The following NBR1 variants were observed in gnomAD, a reference collection of about 807,000 sequenced individuals.
NBR1 encodes the protein next to BRCA1 gene 1 protein.
NBR1 carries 59 observed loss-of-function variants against 115.5 expected under a neutral mutation model. The ratio of observed to expected loss-of-function variants is 0.51; its 90% CI spans 0.41 to 0.63. The LOEUF is 0.63. Ranked by LOEUF, NBR1 falls within the 30% of genes least tolerant of loss-of-function variation. The pLI, the probability that NBR1 is intolerant of heterozygous loss-of-function variation, is 0.00. For synonymous variants in NBR1, 373 were observed against 414.7 expected (o/e 0.90, Z 1.22); for missense variants, 1,043 against 1,150.5 (o/e 0.91, Z 1.35).
At chr17:43,179,345 C>G (rs374312471) in intron 3 of NBR1, 49 bp from the exon 4 acceptor site, 42 of 1,580,802 alleles carry the variant, frequency 2.7e-5, no homozygotes, top group Non-Finnish European at 3.6e-5. Context: ...CAGAAATGCT[C>G]AACTGATGAG....
chr17:43,181,676 A>AG lies in NBR1; in HGVS notation c.207+859_207+860insG, dbSNP rs1162908003. ...GAGACTCTGTCTCAAAACAAAAAAAACAAACAAACCAAAAAACAAATATCT... is the reference window on the plus strand; with the variant it reads ...GAGACTCTGTCTCAAAACAAAAAAAAGCAAACAAACCAAAAAACAAATATCT... On this transcript the variant is annotated intron_variant, in intron 5 of 20. Transcript: ENST00000590996. 4.2e-5 allele frequency among the ~76,000 whole-genome samples: 6 copies of AG among 141,554 alleles called. No homozygotes were observed. In the East Asian group the frequency reaches 8.0e-4, roughly 19 times the overall value. 92.9% of individuals were successfully genotyped at this position (141,554 alleles called of 152,430 possible).
intron 8 of NBR1, chr17:43,190,153 A>G (rs2056909545): frequency 9.7e-6 from 3 of 308,670 alleles, no homozygotes; most frequent in Admixed American, 9.7e-5. Context: ...GCAGGGTGCA[A>G]TCATGGTTCA....
chr17:43,177,514 C>T (rs1034561297), intron 2 of NBR1, among the ~76,000 whole-genome samples: 9 of 150,776 alleles, frequency 6.0e-5, no homozygotes, highest in African/African-American at 2.2e-4. Context: ...GTTTTGACAA[C>T]ACTGGATGTT....
intron 16 of NBR1, among the ~76,000 whole-genome samples, chr17:43,199,523 C>T (rs1428747010): frequency 3.9e-5 from 6 of 151,948 alleles, no homozygotes; most frequent in Admixed American, 2.0e-4. Context: ...TACAGGCGCC[C>T]GCCACCATGC....
At chr17:43,187,886 CTTTTTT>C (rs66857389) in intron 6 of NBR1, among the ~76,000 whole-genome samples, 2 of 58,866 alleles carry the variant, frequency 3.4e-5, no homozygotes, top group Non-Finnish European at 6.8e-5. Context: ...TTGCATTTCT[CTTTTTT>C]TTTTTTTTTT....
chr17:43,180,718 TA>T, intron 4 of NBR1, 76 bp from the exon 5 acceptor site: 2 of 1,333,274 alleles, frequency 1.5e-6, no homozygotes, highest in South Asian at 1.8e-5. Context: ...GTGTACAAAA[TA>T]AAAATAATTT....
At chr17:43,195,188 C>T (rs1205584957) in intron 14 of NBR1, 149 bp downstream of exon 14, 2 of 682,374 alleles carry the variant, frequency 2.9e-6, no homozygotes. Context: ...ATCCGTTTTT[C>T]TTCTTTCCTG....
intron 1 of NBR1, among the ~76,000 whole-genome samples, chr17:43,172,132 T>A (rs888713296): frequency 6.6e-6 from 1 of 152,188 alleles, no homozygotes; most frequent in Non-Finnish European, 1.5e-5. Context: ...CTTACAATAA[T>A]GCCAGTTATG....
At chr17:43,189,467 G>A in intron 7 of NBR1, 121 bp from the exon 8 acceptor site, 1 of 685,440 alleles carries the variant, frequency 1.5e-6, no homozygotes, top group Non-Finnish European at 2.5e-6. Flanking sequence ...TTCAGTAGCA[G>A]TTGTTTATTG....
At chr17:43,204,228 G>A (rs138620095) in intron 20 of NBR1, among the ~76,000 whole-genome samples, 2,297 of 151,648 alleles carry the variant, frequency 0.015, 72 homozygotes, top group African/African-American at 0.053. Flanking sequence ...GTGAGCCACC[G>A]CACCTGGCCA....
intron 18 of NBR1, 113 bp from the exon 19 acceptor site, chr17:43,202,542 C>T: frequency 2.0e-6 from 1 of 503,082 alleles, no homozygotes. Context: ...AAAAAAAAGA[C>T]TTCAAACACT....
At chr17:43,200,114 A>T in intron 16 of NBR1, 53 bp from the exon 17 acceptor site, 3 of 1,401,272 alleles carry the variant, frequency 2.1e-6, no homozygotes, top group Non-Finnish European at 2.9e-6. Context: ...TAAGGATAGT[A>T]CTTAGGCCTG....
intron 16 of NBR1, among the ~76,000 whole-genome samples, chr17:43,197,388 G>A (rs558198320): frequency 8.7e-4 from 132 of 152,042 alleles, no homozygotes; most frequent in Non-Finnish European, 1.6e-3. Flanking sequence ...GCGACGTGGC[G>A]GGTGCCTGTA....
Position 43,194,089 on chromosome 17 carries a change from T to A in NBR1, c.1525-261T>A, listed in dbSNP as rs143687982. Among the ~76,000 whole-genome samples the A allele has an allele frequency of 3.2e-4, 48 of 152,346 alleles. No individual in the cohort carries two copies. The East Asian group carries it at 6.5e-3, about 21-fold the overall frequency. Reference sequence around the variant, plus strand: ...CTCTGTATTAGTGGGGCAGAGTGTTTACTGCTTAAAGTTATCCAATGTTAA... The same window carrying A: ...CTCTGTATTAGTGGGGCAGAGTGTTAACTGCTTAAAGTTATCCAATGTTAA... On this transcript the variant is annotated intron_variant, in intron 12 of 20. Coordinates refer to ENST00000590996, the MANE Select transcript of NBR1 (RefSeq NM_005899.5).
intron 16 of NBR1, among the ~76,000 whole-genome samples, chr17:43,197,849 G>A (rs989989206): frequency 6.6e-6 from 1 of 152,152 alleles, no homozygotes; most frequent in Non-Finnish European, 1.5e-5. Flanking sequence ...GTTAAATTCT[G>A]CTGTAATAAA....
intron 6 of NBR1, among the ~76,000 whole-genome samples, chr17:43,188,249 G>T (rs1012042110): frequency 6.6e-6 from 1 of 152,096 alleles, no homozygotes; most frequent in Non-Finnish European, 1.5e-5. Flanking sequence ...TTTGTTGGCC[G>T]AATAAATGTC....
At chr17:43,185,572 G>T (rs1349703855) in intron 5 of NBR1, among the ~76,000 whole-genome samples, 1 of 152,122 alleles carries the variant, frequency 6.6e-6, no homozygotes, top group Non-Finnish European at 1.5e-5. Context: ...GTGGTGGCAT[G>T]CGCCTGTAAT....
chr17:43,202,605 A>T, intron 18 of NBR1, 50 bp from the exon 19 acceptor site: 1 of 1,350,860 alleles, frequency 7.4e-7, no homozygotes, highest in East Asian at 2.5e-5. Flanking sequence ...GTTAGGAAAC[A>T]GTAGGTGCTT....
chr17:43,190,402 A>G lies in NBR1; in HGVS notation c.696-207A>G, dbSNP rs2056915580. On this transcript the variant is annotated intron_variant, in intron 8 of 20. Coordinates refer to ENST00000590996, the MANE Select transcript of NBR1 (RefSeq NM_005899.5). ...TACTTTCACATCTTACCTTCCTCCC[A>G]TAGATTTTCATTTAAAATGGATATG... The G allele has an allele frequency of 8.9e-6, 5 of 563,234 alleles. No homozygotes were observed. In the East Asian group the frequency reaches 9.8e-5, roughly 11 times the overall value. 34.9% of individuals were successfully genotyped at this position (563,234 alleles called of 1,614,324 possible).
Sources: gnomAD v4.1 joint callset for allele counts (sites outside exome capture counted in the v4.1 genomes callset) on GRCh38, gnomAD v4.1.1 for gene constraint, MANE v1.5 for transcripts, NCBI Gene and HGNC (gene_info 2026-07-23, HGNC 2026-07-21) for gene names.